LRRK2: variants seen among roughly 807,000 people sequenced by gnomAD.
The protein encoded by LRRK2 is leucine rich repeat kinase 2.
In LRRK2, 203 loss-of-function variants were observed where a neutral mutation model predicts 302.6. The ratio of observed to expected loss-of-function variants is 0.67; its 90% confidence interval spans 0.60 to 0.75. The LOEUF is 0.75. LRRK2 is among the 30% of genes least tolerant of loss of function. LRRK2 has a pLI of 0.00. For synonymous variants in LRRK2, 1,066 were observed against 1,031.9 expected, an observed-to-expected ratio of 1.03 and a Z score of -0.63; for missense variants, 2,830 against 2,951.0, an observed-to-expected ratio of 0.96 and a Z score of 0.95.
At chr12:40,336,799 T>TGCA (rs1039798559) in intron 40 of LRRK2, among the ~76,000 whole-genome samples, 3 of 152,208 alleles carry the variant, frequency 2.0e-5, no homozygotes, top group African/African-American at 7.2e-5. Flanking sequence ...CTAGGTAAAG[T>TGCA]GCAGAATAGT....
intron 11 of LRRK2, among the ~76,000 whole-genome samples, chr12:40,254,512 A>G (rs1942415004): frequency 6.6e-6 from 1 of 152,144 alleles, no homozygotes; most frequent in Non-Finnish European, 1.5e-5. Flanking sequence ...TGTGCAGTTA[A>G]AGAGGTCTGG....
rs760760084 is a variant in LRRK2 at position 40,305,734 on chromosome 12, C to T, written c.3778-51C>T. 9 of 1,527,364 alleles carry T rather than the reference C, an allele frequency of 5.9e-6. No homozygotes were observed. The African/African-American group carries it at 9.6e-5, about 16-fold the overall frequency. 94.6% of individuals were successfully genotyped at this position (1,527,364 alleles called of 1,614,324 possible). On this transcript the variant is annotated intron_variant, in intron 27 of 50. Transcript: ENST00000298910. ...TTTCTTATCACGTTTTTTGGCAGAG[C>T]ACATTTCTTCCTTCCCACCAACAGG...
chr12:40,351,748 T>C lies in LRRK2; in HGVS notation c.6576+15T>C. On this transcript the variant is annotated intron_variant, in intron 44 of 50. Coordinates refer to ENST00000298910, the MANE Select transcript of LRRK2 (RefSeq NM_198578.4). The stretch of plus-strand genomic sequence containing the variant: ...ACACTTCTGAGGTAAATCCAAATGC[T>C]CTTTAAATCTTTCATAATTTAAAGC... 1 of 1,611,436 alleles carries C rather than the reference T, an allele frequency of 6.2e-7. No homozygotes were observed. Among genetic ancestry groups the C allele is most frequent in the Non-Finnish European group, 8.5e-7 (1 of 1,177,758 alleles).
At chr12:40,333,550 A>T (rs1945778096) in intron 39 of LRRK2, among the ~76,000 whole-genome samples, 1 of 152,112 alleles carries the variant, frequency 6.6e-6, no homozygotes, top group Non-Finnish European at 1.5e-5. Context: ...GTCTCACATG[A>T]TGTGGGCCAC....
At chr12:40,313,848 T>G (rs1945115752) in intron 31 of LRRK2, 124 bp from the exon 32 acceptor site, 3 of 714,764 alleles carry the variant, frequency 4.2e-6, no homozygotes, top group Non-Finnish European at 6.9e-6. Flanking sequence ...TTGATTTTAT[T>G]TAAAAATGTA....
At chr12:40,300,214 T>C (rs1565728823) in intron 25 of LRRK2, among the ~76,000 whole-genome samples, 1 of 152,214 alleles carries the variant, frequency 6.6e-6, no homozygotes, top group Non-Finnish European at 1.5e-5. Context: ...GCTCTTGTGC[T>C]TTGCAAGACA....
intron 20 of LRRK2, among the ~76,000 whole-genome samples, chr12:40,291,431 AATAT>A (rs57902292): frequency 2.1e-4 from 31 of 146,370 alleles, no homozygotes; most frequent in African/African-American, 5.7e-4. Flanking sequence ...AGTATAATAA[AATAT>A]ATATATATAT....
intron 27 of LRRK2, 57 bp downstream of exon 27, chr12:40,304,191 TATC>T: frequency 6.5e-7 from 1 of 1,548,118 alleles, no homozygotes; most frequent in East Asian, 2.3e-5. Context: ...CATTACAAAT[TATC>T]ATTTTAAGTG....
chr12:40,341,876 C>A (rs1946054976), intron 41 of LRRK2, among the ~76,000 whole-genome samples: 1 of 152,162 alleles, frequency 6.6e-6, no homozygotes, highest in African/African-American at 2.4e-5. Context: ...CAAAACAAAA[C>A]AACAGAGCCA....
rs35808389 is a variant in LRRK2, at chr12:40,298,488, A to G, written c.3342A>G (p.Leu1114=). 334 of 1,613,822 alleles carry G rather than the reference A, an allele frequency of 2.1e-4. No individual in the cohort carries two copies. Among genetic ancestry groups the G allele is most frequent in the Non-Finnish European group, 2.7e-4 (316 of 1,179,962 alleles). Reference sequence around the variant, plus strand: ...TAGAGAAACTGGAGCAGCTCATTTTAGAAGGGTAAGAAAGAGCTCATTAAA... The same window carrying G: ...TAGAGAAACTGGAGCAGCTCATTTTGGAAGGGTAAGAAAGAGCTCATTAAA... ...DVVEKLEQLI[L]EGNKISGICS... The change falls in exon 24 of 51, where the codon TTA becomes TTG. Residue 1114 remains leucine (L), a synonymous_variant. Transcript: ENST00000298910.
At chr12:40,339,113 GT>G (rs1438136575) in intron 40 of LRRK2, among the ~76,000 whole-genome samples, 2 of 152,188 alleles carry the variant, frequency 1.3e-5, no homozygotes, top group African/African-American at 4.8e-5. Context: ...ACAATTGAAA[GT>G]TCAGGGTATC....
intron 33 of LRRK2, among the ~76,000 whole-genome samples, chr12:40,318,436 A>G (rs576131352): frequency 6.6e-6 from 1 of 152,230 alleles, no homozygotes; most frequent in African/African-American, 2.4e-5. Context: ...TGAGGTTAAT[A>G]TGTGCTTTTC....
chr12:40,321,146 A>C lies in LRRK2; in HGVS notation c.5128A>C (p.Asn1710His). The C allele has an allele frequency of 1.2e-6, 2 of 1,612,756 alleles. No individual in the cohort carries two copies. The highest frequency in any genetic ancestry group is 1.7e-6 in the Non-Finnish European group (2 of 1,178,946). Residue 1710 changes from asparagine to histidine, a missense_variant, in exon 35 of 51, where the codon AAT (asparagine) becomes CAT (histidine). Physicochemically the swap from Asn to His is moderately conservative, Grantham distance 68. Coordinates refer to ENST00000298910, the MANE Select transcript of LRRK2 (RefSeq NM_198578.4). Reference sequence around the variant, plus strand: ...AATGGGATTTTGGTCAAGATTAATCAATCGATTACTTGAGATTTCACCTTA... The same window carrying C: ...AATGGGATTTTGGTCAAGATTAATCCATCGATTACTTGAGATTTCACCTTA... ...FPMGFWSRLINRLLEISPYML... is the reference protein window; with the variant it reads ...FPMGFWSRLIHRLLEISPYML...
Position 40,328,402 on chromosome 12 carries a change from G to A in LRRK2, c.5699G>A (p.Gly1900Glu), listed in dbSNP as rs201752951. ...TCAGTTTACCGAGCAGCCTATGAAG[G>A]AGAAGAAGTGGCTGTGAAGATTTTT... ...FGSVYRAAYEGEEVAVKIFNK... is the reference protein window; with the variant it reads ...FGSVYRAAYEEEEVAVKIFNK... Residue 1900 changes from glycine (G) to glutamate (E), a missense_variant, in exon 39 of 51, where the codon GGA becomes GAA. Around this residue, in one of 3 missense-constraint regions of LRRK2, gnomAD observed 253 missense variants for 346.7 expected, o/e 0.73. Coordinates refer to ENST00000298910, the MANE Select transcript of LRRK2 (RefSeq NM_198578.4). 3.7e-6 allele frequency: 6 copies of A among 1,613,558 alleles called. No homozygotes were observed. The highest frequency in any genetic ancestry group is 1.7e-5 in the Admixed American group (1 of 59,994).
intron 14 of LRRK2, among the ~76,000 whole-genome samples, chr12:40,274,171 G>A (rs1028092177): frequency 5.3e-5 from 8 of 152,232 alleles, no homozygotes; most frequent in Middle Eastern, 3.4e-3. Context: ...GCAGCATTGC[G>A]TTTTACTGGT....
At chr12:40,262,863 A>G (rs967477259) in intron 13 of LRRK2, among the ~76,000 whole-genome samples, 1 of 152,192 alleles carries the variant, frequency 6.6e-6, no homozygotes, top group Non-Finnish European at 1.5e-5. Flanking sequence ...AGTTTAAGGG[A>G]CTTGCCCCAG....
intron 46 of LRRK2, among the ~76,000 whole-genome samples, 184 bp downstream of exon 46, chr12:40,356,371 T>G (rs892073951): frequency 6.6e-6 from 1 of 152,214 alleles, no homozygotes. Context: ...TGATTGACTG[T>G]ATATTTTATA....
chr12:40,274,270 A>G (rs1006324255), intron 14 of LRRK2, among the ~76,000 whole-genome samples: 5 of 152,192 alleles, frequency 3.3e-5, no homozygotes, highest in African/African-American at 1.2e-4. Context: ...ATAGTTCTCA[A>G]TCATTCTAAC....
chr12:40,256,814 T>C (rs554532122), intron 11 of LRRK2, among the ~76,000 whole-genome samples: 3 of 152,354 alleles, frequency 2.0e-5, no homozygotes, highest in Non-Finnish European at 4.4e-5. Flanking sequence ...CCCACCAGTG[T>C]CTAGCATATC....
Sources: gnomAD v4.1 joint callset for allele counts (sites outside exome capture counted in the v4.1 genomes callset) on GRCh38, gnomAD v4.1.1 for gene constraint, gnomAD v4.1.1 regional missense constraint, MANE v1.5 for transcripts, NCBI Gene and HGNC (gene_info 2026-07-23, HGNC 2026-07-21) for gene names.